PIK3CB: variants seen among roughly 807,000 people sequenced by gnomAD.
The protein encoded by PIK3CB is phosphatidylinositol 4,5-bisphosphate 3-kinase catalytic subunit beta isoform.
A neutral mutation model predicts 136.8 loss-of-function variants in PIK3CB; 39 were observed. The observed-to-expected ratio is 0.29, with a 90% CI of 0.22 to 0.37. The LOEUF is 0.37. Among genes scored for constraint, PIK3CB ranks in the 10% least tolerant of loss-of-function variants. The pLI is 1.00. For missense variants in PIK3CB, 868 were observed against 1,275.4 expected, an observed-to-expected ratio of 0.68 and a Z score of 4.87; for synonymous variants, 428 against 436.6, an observed-to-expected ratio of 0.98 and a Z score of 0.25.
intron 13 of PIK3CB, among the ~76,000 whole-genome samples, chr3:138,696,425 A>T (rs935620344): frequency 6.6e-6 from 1 of 151,836 alleles, no homozygotes; most frequent in Non-Finnish European, 1.5e-5. Flanking sequence ...GACTCAAGTG[A>T]TCCTCCTGCC....
chr3:138,717,528 T>C (rs1228228262), intron 8 of PIK3CB, among the ~76,000 whole-genome samples: 1 of 112,094 alleles, frequency 8.9e-6, no homozygotes, highest in South Asian at 3.6e-4. Context: ...AGAAATTTTT[T>C]GTGGTTTTTT....
intron 14 of PIK3CB, 88 bp downstream of exon 14, chr3:138,694,698 C>T (rs2044097451): frequency 7.4e-7 from 1 of 1,356,112 alleles, no homozygotes; most frequent in Admixed American, 2.2e-5. Context: ...GAGCCCTTTT[C>T]TTTCTTATGA....
chr3:138,753,562 G>A (rs2045511691), intron 4 of PIK3CB, among the ~76,000 whole-genome samples: 1 of 151,920 alleles, frequency 6.6e-6, no homozygotes, highest in African/African-American at 2.4e-5. Context: ...CCAGCACAAT[G>A]GCTCACACCT....
chr3:138,763,278 A>T (rs1188224307), intron 2 of PIK3CB, among the ~76,000 whole-genome samples: 3 of 152,118 alleles, frequency 2.0e-5, no homozygotes, highest in Admixed American at 6.6e-5. Context: ...AGCTGGGATT[A>T]CAGGCACACA....
chr3:138,743,511 A>C (rs150486600), intron 4 of PIK3CB, among the ~76,000 whole-genome samples: 1 of 152,318 alleles, frequency 6.6e-6, no homozygotes, highest in East Asian at 1.9e-4. Flanking sequence ...AACATGGTGG[A>C]TGGGGCACCA....
At chr3:138,826,424 T>A in intron 1 of PIK3CB, 1 of 1,031,242 alleles carries the variant, frequency 9.7e-7, no homozygotes, top group Non-Finnish European at 1.4e-6. Context: ...GGTTTAATAG[T>A]AAATGACTGG....
chr3:138,817,055 A>C (rs1232777153), intron 1 of PIK3CB, among the ~76,000 whole-genome samples: 1 of 148,454 alleles, frequency 6.7e-6, no homozygotes, highest in Admixed American at 6.7e-5. Flanking sequence ...ACAAAAAAAA[A>C]AGGCCGGGCG....
rs548090188 is a variant in PIK3CB, at chr3:138,817,439, C to T, written c.-122+17256G>A. Among the ~76,000 whole-genome samples the T allele has an allele frequency of 2.0e-5, 3 of 152,240 alleles. No homozygotes were observed. The South Asian group carries it at 6.2e-4, about 32-fold the overall frequency. Reference sequence around the variant, plus strand: ...GCTGAGGCAGGAGAATCACTGCAACCAAGGAGACAGAGGTTGTGGTGAGCT... The same window carrying T: ...GCTGAGGCAGGAGAATCACTGCAACTAAGGAGACAGAGGTTGTGGTGAGCT... On this transcript the variant is annotated intron_variant, in intron 1 of 23. Coordinates refer to ENST00000674063, the MANE Select transcript of PIK3CB (RefSeq NM_006219.3).
intron 19 of PIK3CB, among the ~76,000 whole-genome samples, chr3:138,673,265 CA>C (rs1553720079): frequency 6.6e-6 from 1 of 151,878 alleles, no homozygotes; most frequent in East Asian, 1.9e-4. Context: ...AGGAAATGTT[CA>C]AAGTTTTCAG....
rs191178326 is a variant in PIK3CB at position 138,655,062 on chromosome 3, C to T, written c.*327G>A. 1.2e-4 allele frequency: 33 copies of T among 278,072 alleles called. No homozygotes were observed. Among genetic ancestry groups the T allele is most frequent in the Non-Finnish European group, 1.7e-4 (25 of 146,854 alleles). The allele number at this position is 278,072 out of a possible 1,614,324, so 17.2% of individuals were successfully genotyped here. A position where few individuals can be genotyped will look rare whatever the true frequency, so the allele number is the denominator to read the frequency against. On this transcript the variant is annotated 3_prime_UTR_variant, in exon 24 of 24. Coordinates refer to ENST00000674063, the MANE Select transcript of PIK3CB (RefSeq NM_006219.3). ...TCACAACATTGAAAAGAAGTATTTA[C>T]ACCATTCTGGGAAGTACCAAATATT...
intron 8 of PIK3CB, among the ~76,000 whole-genome samples, chr3:138,716,321 T>G: frequency 6.6e-6 from 1 of 152,134 alleles, no homozygotes; most frequent in Non-Finnish European, 1.5e-5. Context: ...TCCTCTGCAT[T>G]GGAAAAATCT....
intron 4 of PIK3CB, among the ~76,000 whole-genome samples, chr3:138,748,298 T>C (rs1397278738): frequency 6.6e-6 from 1 of 151,994 alleles, no homozygotes; most frequent in African/African-American, 2.4e-5. Flanking sequence ...TCACATAAGA[T>C]GCCTTGCTTC....
intron 1 of PIK3CB, among the ~76,000 whole-genome samples, chr3:138,820,145 T>C (rs1284899551): frequency 1.3e-5 from 2 of 152,230 alleles, no homozygotes; most frequent in Non-Finnish European, 2.9e-5. Context: ...GCACACTTTA[T>C]ATTACTAAGG....
At chr3:138,808,791 ATGAATATAAAATATAAGTTTTATATG>A (rs1388229584) in intron 1 of PIK3CB, among the ~76,000 whole-genome samples, 1 of 151,716 alleles carries the variant, frequency 6.6e-6, no homozygotes, top group Non-Finnish European at 1.5e-5. Flanking sequence ...TGTTTTATAT[ATGAATATAAAATATAAGTTTTATATG>A]TGAATATATT....
At chr3:138,815,158 A>T (rs1328410312) in intron 1 of PIK3CB, among the ~76,000 whole-genome samples, 26 of 99,918 alleles carry the variant, frequency 2.6e-4, no homozygotes, top group Non-Finnish European at 4.5e-4. Flanking sequence ...AAAAAAAAAA[A>T]AAAAATATAT....
intron 8 of PIK3CB, among the ~76,000 whole-genome samples, chr3:138,728,795 A>G (rs2044900973): frequency 6.6e-6 from 1 of 151,672 alleles, no homozygotes; most frequent in African/African-American, 2.4e-5. Flanking sequence ...AAAAAAAAAG[A>G]AAACCAATGA....
At chr3:138,759,483 G>A in intron 2 of PIK3CB, 124 bp from the exon 3 acceptor site, 2 of 557,944 alleles carry the variant, frequency 3.6e-6, no homozygotes, top group Non-Finnish European at 6.3e-6. Flanking sequence ...TGTAACAGGA[G>A]GCCAATTAAA....
intron 5 of PIK3CB, among the ~76,000 whole-genome samples, chr3:138,739,198 C>A (rs2045183189): frequency 6.6e-6 from 1 of 152,096 alleles, no homozygotes; most frequent in Non-Finnish European, 1.5e-5. Flanking sequence ...GTAATCCCAG[C>A]ACTTTGGGAG....
chr3:138,785,628 T>C (rs1222628020), intron 2 of PIK3CB, among the ~76,000 whole-genome samples: 1 of 152,042 alleles, frequency 6.6e-6, no homozygotes, highest in Non-Finnish European at 1.5e-5. Context: ...GCATGCTCCT[T>C]AAGAGTCATC....
Sources: allele counts gnomAD v4.1 joint callset (sites outside exome capture counted in the v4.1 genomes callset), GRCh38; gene constraint gnomAD v4.1.1; transcripts MANE v1.5; gene names NCBI Gene and HGNC (gene_info 2026-07-23, HGNC 2026-07-21).